SDK1: variants seen among roughly 807,000 people sequenced by gnomAD.
SDK1 encodes the protein protein sidekick-1.
Under a neutral mutation model 245.5 loss-of-function variants are expected in SDK1, and 157 were observed. The observed-to-expected ratio is 0.64, with a 90% CI of 0.56 to 0.73. The LOEUF is 0.73. Ranked by LOEUF, SDK1 falls within the 30% of genes least tolerant of loss-of-function variation. The pLI is 0.00. For synonymous variants in SDK1, 1,647 were observed against 1,278.5 expected (o/e 1.29, Z -6.15); for missense variants, 3,583 against 3,002.3 (o/e 1.19, Z -4.52).
At position 4,220,146 on chromosome 7, in the gene SDK1, C is replaced by G; in HGVS notation, c.5577C>G (p.Asn1859Lys). The G allele has an allele frequency of 6.2e-7, 1 of 1,614,060 alleles. No homozygotes were observed. Reference protein sequence around the residue: ...SKVVTVEVRGNWQRWLKVRDL... With the variant: ...SKVVTVEVRGKWQRWLKVRDL... ...TGGTGACCGTGGAAGTGAGAGGGAA[C>G]TGGCAGCGCTGGCTGAAGGTGCGGG... Residue 1859 changes from asparagine (N) to lysine (K), a missense_variant, in exon 39 of 45, where the codon AAC (asparagine) becomes AAG (lysine). By Grantham distance (94) the Asn-to-Lys change is moderately conservative. Transcript: ENST00000404826.
chr7:3,622,018 G>A (rs1052500598), intron 2 of SDK1, among the ~76,000 whole-genome samples: 1 of 152,282 alleles, frequency 6.6e-6, no homozygotes, highest in African/African-American at 2.4e-5. Context: ...TTGCCCATTT[G>A]TAGGCTGATA....
chr7:3,582,412 C>T (rs1310905270), intron 1 of SDK1, among the ~76,000 whole-genome samples: 3 of 148,270 alleles, frequency 2.0e-5, no homozygotes, highest in Admixed American at 6.7e-5. Flanking sequence ...AGGTCTCCCT[C>T]AGGTAGGTCT....
At chr7:3,596,826 A>G (rs10259072) in intron 1 of SDK1, among the ~76,000 whole-genome samples, 31,894 of 152,104 alleles carry the variant, frequency 0.21, 3,560 homozygotes, top group Middle Eastern at 0.31. Flanking sequence ...ACATCATCAG[A>G]TAACACTTAT....
intron 1 of SDK1, among the ~76,000 whole-genome samples, chr7:3,461,703 A>C (rs762805216): frequency 3.9e-5 from 6 of 152,088 alleles, no homozygotes; most frequent in Non-Finnish European, 7.4e-5. Flanking sequence ...ACATCACCTT[A>C]TATGTTACAG....
chr7:4,238,692 G>C (rs1025345036), intron 42 of SDK1, among the ~76,000 whole-genome samples: 2 of 151,792 alleles, frequency 1.3e-5, no homozygotes, highest in Non-Finnish European at 2.9e-5. Context: ...AGGATTACAG[G>C]CATGCATCTC....
intron 18 of SDK1, 94 bp from the exon 19 acceptor site, chr7:4,051,544 C>A: frequency 1.8e-6 from 2 of 1,114,396 alleles, no homozygotes; most frequent in Non-Finnish European, 2.6e-6. Context: ...TATGACTTTA[C>A]ATTTTAAAAG....
chr7:3,556,985 A>C (rs1332051430), intron 1 of SDK1, among the ~76,000 whole-genome samples: 1 of 151,532 alleles, frequency 6.6e-6, no homozygotes, highest in East Asian at 1.9e-4. Flanking sequence ...ACTCACAAAA[A>C]TTAAAAATAT....
intron 1 of SDK1, among the ~76,000 whole-genome samples, chr7:3,578,465 G>T (rs1426194951): frequency 6.6e-6 from 1 of 151,980 alleles, no homozygotes; most frequent in Non-Finnish European, 1.5e-5. Context: ...CAGAAAACAG[G>T]ATTCGAGAGC....
chr7:4,050,817 G>C lies in SDK1; in HGVS notation c.2719-821G>C, dbSNP rs116060444. ...TTGTGCTGTTTCAGCTGAATTAACA[G>C]ATGGTTTCATCTTTATTCTTTACTG... On this transcript the variant is annotated intron_variant, in intron 18 of 44. Transcript: ENST00000404826. Among the ~76,000 whole-genome samples the C allele has an allele frequency of 6.4e-3, 957 of 148,480 alleles. 5 individuals carry two copies. The highest frequency in any genetic ancestry group is 0.023 in the African/African-American group (937 of 40,500).
At chr7:4,224,082 A>C (rs1302112836) in intron 40 of SDK1, among the ~76,000 whole-genome samples, 1 of 152,076 alleles carries the variant, frequency 6.6e-6, no homozygotes, top group Non-Finnish European at 1.5e-5. Context: ...ACCACCCATA[A>C]TCCATGCCTC....
rs577459456 is a variant in SDK1 at position 3,838,050 on chromosome 7, T to C, written c.847+16467T>C. Among the ~76,000 whole-genome samples, 118 of 152,328 alleles carry C rather than the reference T, an allele frequency of 7.7e-4. 1 individual carries two copies. Among genetic ancestry groups the C allele is most frequent in the African/African-American group, 2.4e-3 (99 of 41,582 alleles). On this transcript the variant is annotated intron_variant, in intron 5 of 44. Coordinates refer to ENST00000404826, the MANE Select transcript of SDK1 (RefSeq NM_152744.4). ...TATTTTGTATACTGAAGATCCATGGTTGGGGAGCCCTGTGTGCTGGGAGAC... is the reference window on the plus strand; with the variant it reads ...TATTTTGTATACTGAAGATCCATGGCTGGGGAGCCCTGTGTGCTGGGAGAC...
At chr7:4,004,478 C>A (rs924849504) in intron 14 of SDK1, among the ~76,000 whole-genome samples, 3 of 152,104 alleles carry the variant, frequency 2.0e-5, no homozygotes, top group African/African-American at 7.2e-5. Context: ...AAGCATCAAC[C>A]AAATTACATT....
chr7:3,879,213 G>A (rs1176219308), intron 5 of SDK1, among the ~76,000 whole-genome samples: 1 of 152,122 alleles, frequency 6.6e-6, no homozygotes, highest in Non-Finnish European at 1.5e-5. Flanking sequence ...CAGTTGTAAG[G>A]ACAAAACATG....
At chr7:3,974,049 T>C (rs1583688191) in intron 12 of SDK1, among the ~76,000 whole-genome samples, 2 of 151,598 alleles carry the variant, frequency 1.3e-5, no homozygotes, top group South Asian at 2.1e-4. Flanking sequence ...CCAAGCATGG[T>C]GGCATACATC....
At chr7:4,193,296 A>T (rs1050959083) in intron 35 of SDK1, among the ~76,000 whole-genome samples, 1 of 136,614 alleles carries the variant, frequency 7.3e-6, no homozygotes, top group Non-Finnish European at 1.5e-5. Flanking sequence ...ATAAAATTAC[A>T]TATAAAAATA....
intron 20 of SDK1, among the ~76,000 whole-genome samples, chr7:4,073,405 C>T (rs1400780641): frequency 6.6e-6 from 1 of 152,156 alleles, no homozygotes; most frequent in Non-Finnish European, 1.5e-5. Context: ...TGTTTGTATC[C>T]ACAACCATTT....
chr7:3,908,453 C>G (rs1779037924), intron 5 of SDK1, among the ~76,000 whole-genome samples: 1 of 152,178 alleles, frequency 6.6e-6, no homozygotes, highest in South Asian at 2.1e-4. Flanking sequence ...CACCCGCAGT[C>G]CACTCAGCGG....
Position 4,061,983 on chromosome 7 carries a change from G to A in SDK1, c.2912-5855G>A, listed in dbSNP as rs1779572293. On this transcript the variant is annotated intron_variant, in intron 19 of 44. Transcript: ENST00000404826. ...AACATCACACTCTGGGGACTGTTGT[G>A]GGGTGGGGGGAGGGGGGAGGGATAG... Among the ~76,000 whole-genome samples the A allele has an allele frequency of 2.5e-5, 3 of 119,346 alleles. No individual in the cohort carries two copies. In the Admixed American group the frequency reaches 3.1e-4, roughly 12 times the overall value. 78.3% of individuals were successfully genotyped at this position (119,346 alleles called of 152,430 possible). A position where few individuals can be genotyped will look rare whatever the true frequency, so the allele number is the denominator to read the frequency against.
chr7:4,161,692 C>G (rs551069198), intron 31 of SDK1, 94 bp from the exon 32 acceptor site: 76 of 1,005,652 alleles, frequency 7.6e-5, no homozygotes, highest in Admixed American at 1.6e-4. Context: ...GCAGGGCTCA[C>G]CAGCCTCCCC....
Sources: allele counts gnomAD v4.1 joint callset (sites outside exome capture counted in the v4.1 genomes callset), GRCh38; gene constraint gnomAD v4.1.1; transcripts MANE v1.5; gene names NCBI Gene and HGNC (gene_info 2026-07-23, HGNC 2026-07-21).